The following SH3GL3 variants were observed in gnomAD, a reference collection of about 807,000 sequenced individuals.
The protein encoded by SH3GL3 is SH3 domain containing GRB2 like 3, endophilin A3.
In SH3GL3, 33 loss-of-function variants were observed where a neutral mutation model predicts 47.7. The observed-to-expected ratio is 0.69, with a 90% confidence interval of 0.52 to 0.92. The LOEUF (loss-of-function observed/expected upper bound fraction) is 0.92, where lower values mean the gene tolerates loss of function less well. Among genes scored for constraint, SH3GL3 ranks in the 40% least tolerant of loss-of-function variants. The pLI is 0.00. For synonymous variants in SH3GL3, 155 were observed against 148.8 expected (o/e 1.04, Z -0.30); for missense variants, 363 against 417.8 (o/e 0.87, Z 1.14).
chr15:83,526,194 A>G (rs1352215345), intron 1 of SH3GL3, among the ~76,000 whole-genome samples: 1 of 152,192 alleles, frequency 6.6e-6, no homozygotes, highest in Admixed American at 6.5e-5. Context: ...GAGGTTGAGG[A>G]GAAAAAGGAA....
At position 83,456,058 on chromosome 15, in the gene SH3GL3, A is replaced by G. The variant is rs1311204772; in HGVS notation, c.45+8480A>G. The stretch of plus-strand genomic sequence containing the variant: ...GACCCTCAGCTGCAGGTCTGTTGGA[A>G]TACCCTGCCATGTGAGATGTCAGTG... On this transcript the variant is annotated intron_variant, in intron 1 of 8. Coordinates refer to ENST00000427482, the MANE Select transcript of SH3GL3 (RefSeq NM_003027.5). Among the ~76,000 whole-genome samples, 9 of 86,524 alleles carry G rather than the reference A, an allele frequency of 1.0e-4. 2 individuals are homozygous for G. The highest frequency in any genetic ancestry group is 1.2e-4 in the Non-Finnish European group (5 of 40,658). The allele number at this position is 86,524 out of a possible 152,430, so 56.8% of individuals were successfully genotyped here.
chr15:83,483,612 T>C (rs892298977), intron 1 of SH3GL3, among the ~76,000 whole-genome samples: 3 of 152,232 alleles, frequency 2.0e-5, no homozygotes, highest in African/African-American at 7.2e-5. Context: ...AATTAATGGA[T>C]GCAGCAAGGG....
intron 1 of SH3GL3, among the ~76,000 whole-genome samples, chr15:83,484,832 A>G (rs1047828059): frequency 2.6e-5 from 4 of 152,244 alleles, no homozygotes; most frequent in African/African-American, 9.6e-5. Flanking sequence ...TTCTTCAAGA[A>G]GCATACACCA....
At chr15:83,570,944 C>T (rs1307568799) in intron 4 of SH3GL3, among the ~76,000 whole-genome samples, 2 of 152,222 alleles carry the variant, frequency 1.3e-5, no homozygotes, top group East Asian at 3.8e-4. Flanking sequence ...TGCATCTGGC[C>T]TTGGCGACAG....
the SH3GL3 span, among the ~76,000 whole-genome samples, chr15:83,633,449 C>T: frequency 1.4e-4 from 22 of 152,166 alleles, no homozygotes; most frequent in Non-Finnish European, 2.9e-4. Flanking sequence ...AGCTATCTAA[C>T]GATGTGCTTA....
chr15:83,490,917 A>G, intron 1 of SH3GL3: 1 of 1,614,092 alleles, frequency 6.2e-7, no homozygotes. Flanking sequence ...TAAATGGGAA[A>G]ATGTTAAGGG....
chr15:83,595,432 T>C (rs12591837), intron 8 of SH3GL3, among the ~76,000 whole-genome samples: 36,132 of 151,158 alleles, frequency 0.24, 4,538 homozygotes, highest in East Asian at 0.33. Context: ...GACGAAATAA[T>C]CTGCACACCA....
intron 8 of SH3GL3, among the ~76,000 whole-genome samples, chr15:83,591,158 C>G (rs1251765257): frequency 2.6e-5 from 4 of 152,076 alleles, no homozygotes; most frequent in African/African-American, 4.8e-5. Flanking sequence ...CAGACACACA[C>G]CACAATGCCC....
At chr15:83,462,702 T>C (rs941381138) in intron 1 of SH3GL3, among the ~76,000 whole-genome samples, 14 of 152,244 alleles carry the variant, frequency 9.2e-5, no homozygotes, top group Admixed American at 9.2e-4. Context: ...TCTGCAGAAA[T>C]GCAACTTCTA....
At chr15:83,468,529 A>G (rs2040682263) in intron 1 of SH3GL3, among the ~76,000 whole-genome samples, 1 of 152,210 alleles carries the variant, frequency 6.6e-6, no homozygotes, top group Non-Finnish European at 1.5e-5. Flanking sequence ...CACAGTGAGG[A>G]AATTTCCCTG....
rs556050920 is a variant in SH3GL3 at position 83,541,093 on chromosome 15, C to T, written c.46-18160C>T. Among the ~76,000 whole-genome samples the T allele has an allele frequency of 3.3e-5, 5 of 152,236 alleles. No homozygotes were observed. In the East Asian group the frequency reaches 9.7e-4, roughly 29 times the overall value. The stretch of plus-strand genomic sequence containing the variant: ...TTAACATAATGTCCTCCACTTCCAT[C>T]TGTGTTGTTGCAAATGACAGGATCT... On this transcript the variant is annotated intron_variant, in intron 1 of 8. Transcript: ENST00000427482.
chr15:83,574,492 C>T (rs929428554), intron 5 of SH3GL3, among the ~76,000 whole-genome samples: 1 of 152,112 alleles, frequency 6.6e-6, no homozygotes, highest in African/African-American at 2.4e-5. Flanking sequence ...TCATTCTTTC[C>T]CTTTCTGTCT....
At position 83,515,618 on chromosome 15, in the gene SH3GL3, G is replaced by A. The variant is rs1409544288; in HGVS notation, c.46-43635G>A. Among the ~76,000 whole-genome samples the A allele has an allele frequency of 3.3e-5, 5 of 152,030 alleles. No homozygotes were observed. In the East Asian group the frequency reaches 9.6e-4, roughly 29 times the overall value. On this transcript the variant is annotated intron_variant, in intron 1 of 8. Transcript: ENST00000427482. ...ACCCCTCTCCATAAGGGACTTTTTT[G>A]GTGTATTGACTTAAATTTAGTTTTA...
chr15:83,543,292 A>G (rs945090631), intron 1 of SH3GL3, among the ~76,000 whole-genome samples: 11 of 152,178 alleles, frequency 7.2e-5, no homozygotes, highest in African/African-American at 2.6e-4. Flanking sequence ...ATTGATTTGC[A>G]TATATTGAAC....
chr15:83,574,756 T>A (rs960139978), intron 5 of SH3GL3, among the ~76,000 whole-genome samples: 2 of 152,216 alleles, frequency 1.3e-5, no homozygotes, highest in African/African-American at 4.8e-5. Flanking sequence ...CACTGAATTA[T>A]TTCCAGCTCC....
chr15:83,601,186 A>C (rs545297629), intron 8 of SH3GL3, among the ~76,000 whole-genome samples: 39 of 152,228 alleles, frequency 2.6e-4, no homozygotes, highest in African/African-American at 8.7e-4. Context: ...GATGCCCTTT[A>C]TTTCTTTCTC....
chr15:83,562,078 C>T (rs907369300), intron 2 of SH3GL3, among the ~76,000 whole-genome samples: 2 of 123,786 alleles, frequency 1.6e-5, no homozygotes, highest in African/African-American at 2.8e-5. Flanking sequence ...CACACACACA[C>T]ACACTATAGT....
intron 1 of SH3GL3, among the ~76,000 whole-genome samples, chr15:83,450,913 T>A (rs2039739561): frequency 7.4e-6 from 1 of 134,314 alleles, no homozygotes; most frequent in South Asian, 2.7e-4. Context: ...CACTAAAGTG[T>A]CATCTAGCAT....
the SH3GL3 span, among the ~76,000 whole-genome samples, chr15:83,633,289 C>A: frequency 6.6e-6 from 1 of 152,070 alleles, no homozygotes; most frequent in African/African-American, 2.4e-5. Flanking sequence ...CCCAGTATCC[C>A]CATTTTTCTA....
Sources: gnomAD v4.1 joint callset for allele counts (sites outside exome capture counted in the v4.1 genomes callset) on GRCh38, gnomAD v4.1.1 for gene constraint, MANE v1.5 for transcripts, NCBI Gene and HGNC (gene_info 2026-07-23, HGNC 2026-07-21) for gene names.